CCDC102B: variants seen among roughly 807,000 people sequenced by gnomAD.
CCDC102B encodes the protein coiled-coil domain containing 102B.
A neutral mutation model predicts 57.4 loss-of-function variants in CCDC102B; 75 were observed. The observed-to-expected ratio is 1.31, with a 90% CI of 1.08 to 1.58. CCDC102B has a LOEUF of 1.58. CCDC102B is among the 40% of genes most tolerant of loss of function. CCDC102B has a pLI of 0.00. For synonymous variants in CCDC102B, 206 were observed against 201.9 expected, an observed-to-expected ratio of 1.02 and a Z score of -0.17; for missense variants, 636 against 582.6, an observed-to-expected ratio of 1.09 and a Z score of -0.94.
chr18:68,771,903 C>CAG (rs1473549070), intron 2 of CCDC102B, among the ~76,000 whole-genome samples: 3 of 151,674 alleles, frequency 2.0e-5, no homozygotes, highest in Non-Finnish European at 4.4e-5. Flanking sequence ...CACACACACA[C>CAG]ACACATCTTC....
intron 2 of CCDC102B, among the ~76,000 whole-genome samples, chr18:68,777,951 T>C (rs2034880170): frequency 6.6e-6 from 1 of 152,186 alleles, no homozygotes; most frequent in Non-Finnish European, 1.5e-5. Context: ...TTACAGGTAC[T>C]AGATTCAAAA....
chr18:69,007,101 A>C (rs919834124), intron 6 of CCDC102B, among the ~76,000 whole-genome samples: 3 of 152,210 alleles, frequency 2.0e-5, no homozygotes, highest in African/African-American at 7.2e-5. Context: ...AATCACTTTA[A>C]GCTGATATTT....
chr18:68,945,148 A>ACACACT (rs2049502070), intron 6 of CCDC102B, among the ~76,000 whole-genome samples: 1 of 150,366 alleles, frequency 6.7e-6, no homozygotes. Context: ...ACACACACAC[A>ACACACT]CTCATCTAGC....
At chr18:68,838,357 G>A in intron 2 of CCDC102B, 2 of 945,586 alleles carry the variant, frequency 2.1e-6, no homozygotes, top group Non-Finnish European at 2.5e-6. Context: ...AGTGTCTTAT[G>A]ACAAAAGAAA....
chr18:69,054,204 A>T lies in CCDC102B; in HGVS notation c.*67A>T. 6.8e-7 allele frequency: 1 copy of T among 1,466,378 alleles called. No individual in the cohort carries two copies. The highest frequency in any genetic ancestry group is 1.9e-4 in the Middle Eastern group (1 of 5,272). 90.8% of individuals were successfully genotyped at this position (1,466,378 alleles called of 1,614,324 possible). On this transcript the variant is annotated 3_prime_UTR_variant, in exon 8 of 8. Transcript: ENST00000360242. ...AGACATTTCCATATCCTTTTCTTAA[A>T]TATCAGTAAAATTGTTTTTATTAAC... is the stretch of plus-strand genomic sequence containing the variant.
At chr18:68,760,673 C>T (rs1171251869) in intron 2 of CCDC102B, among the ~76,000 whole-genome samples, 2 of 152,002 alleles carry the variant, frequency 1.3e-5, no homozygotes, top group African/African-American at 4.8e-5. Context: ...GCTATGGGAA[C>T]CCAAGGACCA....
intron 3 of CCDC102B, among the ~76,000 whole-genome samples, chr18:68,844,502 A>T (rs937140186): frequency 3.9e-5 from 6 of 151,964 alleles, no homozygotes; most frequent in Non-Finnish European, 8.9e-5. Flanking sequence ...AAATATGGTG[A>T]TTCTTATCTT....
intron 6 of CCDC102B, among the ~76,000 whole-genome samples, chr18:68,992,350 A>G (rs1021457842): frequency 1.3e-5 from 2 of 152,142 alleles, no homozygotes; most frequent in African/African-American, 4.8e-5. Context: ...CAGGGTGGGT[A>G]AGGTGAGAGT....
intron 4 of CCDC102B, among the ~76,000 whole-genome samples, chr18:68,850,204 CAT>C (rs1310186646): frequency 6.6e-6 from 1 of 152,112 alleles, no homozygotes; most frequent in Non-Finnish European, 1.5e-5. Flanking sequence ...TTACTAATAT[CAT>C]ATCTTATTAA....
At chr18:68,771,856 T>C (rs1249803079) in intron 2 of CCDC102B, among the ~76,000 whole-genome samples, 1 of 137,242 alleles carries the variant, frequency 7.3e-6, no homozygotes, top group Non-Finnish European at 1.5e-5. Context: ...ACATATGAGT[T>C]GTTACTCTGA....
intron 2 of CCDC102B, among the ~76,000 whole-genome samples, chr18:68,726,219 T>A (rs944721029): frequency 3.3e-5 from 5 of 152,192 alleles, no homozygotes; most frequent in Admixed American, 3.3e-4. Context: ...CTGAGTGAAA[T>A]TTTTTACATA....
At chr18:68,925,869 T>C (rs916520511) in intron 6 of CCDC102B, among the ~76,000 whole-genome samples, 19 of 151,954 alleles carry the variant, frequency 1.3e-4, no homozygotes, top group African/African-American at 4.6e-4. Flanking sequence ...TAAGCAGTTA[T>C]TTTGAGGAGT....
At chr18:68,814,705 G>A (rs991292098) in intron 1 of CCDC102B, among the ~76,000 whole-genome samples, 1 of 152,028 alleles carries the variant, frequency 6.6e-6, no homozygotes, top group South Asian at 2.1e-4. Flanking sequence ...AAATAATATC[G>A]ATAAGAATAC....
At chr18:68,969,912 T>TA (rs1353074655) in intron 6 of CCDC102B, among the ~76,000 whole-genome samples, 1 of 152,054 alleles carries the variant, frequency 6.6e-6, no homozygotes, top group Admixed American at 6.6e-5. Context: ...TGCCCAAAAG[T>TA]AAAAAATATT....
chr18:69,009,151 T>C (rs1246728569), intron 6 of CCDC102B, among the ~76,000 whole-genome samples: 1 of 152,208 alleles, frequency 6.6e-6, no homozygotes, highest in African/African-American at 2.4e-5. Flanking sequence ...CATGAATGAA[T>C]CCTTATTTCT....
At chr18:68,894,990 G>T (rs973617706) in intron 5 of CCDC102B, among the ~76,000 whole-genome samples, 2 of 151,806 alleles carry the variant, frequency 1.3e-5, no homozygotes, top group African/African-American at 4.8e-5. Context: ...CAGCATATTT[G>T]TCCTTGCCCA....
At position 68,952,040 on chromosome 18, in the gene CCDC102B, G is replaced by A. The variant is rs577735709; in HGVS notation, c.1263+54612G>A. Reference sequence around the variant, plus strand: ...TGAAATAAAATTGTACTGCATTCCAGTGTGTAAAGTGACATCCGTTTTATT... The same window carrying A: ...TGAAATAAAATTGTACTGCATTCCAATGTGTAAAGTGACATCCGTTTTATT... On this transcript the variant is annotated intron_variant, in intron 6 of 7. Transcript: ENST00000360242. 3.0e-4 allele frequency among the ~76,000 whole-genome samples: 46 copies of A among 152,218 alleles called. 1 individual carries two copies. In the East Asian group the frequency reaches 3.7e-3, roughly 12 times the overall value.
At chr18:68,943,424 A>G (rs981177242) in intron 6 of CCDC102B, among the ~76,000 whole-genome samples, 12 of 152,030 alleles carry the variant, frequency 7.9e-5, no homozygotes, top group Non-Finnish European at 1.3e-4. Flanking sequence ...GTACTTTTCT[A>G]GGCTTTATAC....
intron 4 of CCDC102B, among the ~76,000 whole-genome samples, chr18:68,862,821 A>G (rs2038819166): frequency 6.6e-6 from 1 of 152,076 alleles, no homozygotes; most frequent in African/African-American, 2.4e-5. Context: ...TTGGCTATAT[A>G]CAAAAATAGA....
Sources: gnomAD v4.1 joint callset for allele counts (sites outside exome capture counted in the v4.1 genomes callset) on GRCh38, gnomAD v4.1.1 for gene constraint, MANE v1.5 for transcripts, NCBI Gene and HGNC (gene_info 2026-07-23, HGNC 2026-07-21) for gene names.